FGFR3: variants seen among roughly 807,000 people sequenced by gnomAD.
FGFR3 encodes the protein fibroblast growth factor receptor 3, also known as FGFR-3.
Under a neutral mutation model 82.9 loss-of-function variants are expected in FGFR3, and 25 were observed. That is an observed-to-expected ratio of 0.30 (90% confidence interval 0.22 to 0.42). The LOEUF (loss-of-function observed/expected upper bound fraction) is 0.42, where lower values mean the gene tolerates loss of function less well. FGFR3 is among the 10% of genes least tolerant of loss of function. The probability of loss-of-function intolerance (pLI) is 1.00; values close to 1 mark genes in which losing one functional copy is unlikely to be tolerated. For synonymous variants in FGFR3, 620 were observed against 516.0 expected, an observed-to-expected ratio of 1.20 and a Z score of -2.73; for missense variants, 1,026 against 1,161.0, an observed-to-expected ratio of 0.88 and a Z score of 1.69.
chr4:1,805,055 T>C lies in FGFR3; in HGVS notation c.1412+86T>C, dbSNP rs918177823. The C allele has an allele frequency of 2.0e-6, 3 of 1,470,158 alleles. No individual in the cohort carries two copies. In the African/African-American group the frequency reaches 4.2e-5, roughly 21 times the overall value. 91.1% of individuals were successfully genotyped at this position (1,470,158 alleles called of 1,614,324 possible). A position where few individuals can be genotyped will look rare whatever the true frequency, so the allele number is the denominator to read the frequency against. On this transcript the variant is annotated intron_variant, in intron 10 of 17. Transcript: ENST00000440486. ...CACCAGTCAGAGGCCCGGCTGGGTT[T>C]AGGGGCCGTCAGGGATGTGGCGGAT...
chr4:1,805,482 G>C lies in FGFR3; in HGVS notation c.1534+6G>C, dbSNP rs1213940166. 24 of 1,612,050 alleles carry C rather than the reference G, an allele frequency of 1.5e-5. No homozygotes were observed. The highest frequency in any genetic ancestry group is 1.9e-5 in the Non-Finnish European group (23 of 1,179,500). ...AGCCGTGAAGATGCTGAAAGGTGAG[G>C]AGGGGGCGGCCAGGGGTGCAGAGCA... On this transcript the variant is annotated splice_donor_region_variant and intron_variant, in intron 11 of 17. Transcript: ENST00000440486.
Position 1,807,803 on chromosome 4 carries a change from G to C in FGFR3, c.*541G>C. On this transcript the variant is annotated 3_prime_UTR_variant, in exon 18 of 18. Coordinates refer to ENST00000440486, the MANE Select transcript of FGFR3 (RefSeq NM_000142.5). ...CTGCCCCTCAGAGACTGAAATTACGGGTACCTGAAGATGGGAGCCTTTACC... is the reference window on the plus strand; with the variant it reads ...CTGCCCCTCAGAGACTGAAATTACGCGTACCTGAAGATGGGAGCCTTTACC... 4.0e-6 allele frequency: 2 copies of C among 502,030 alleles called. No homozygotes were observed. Among genetic ancestry groups the C allele is most frequent in the South Asian group, 3.5e-5 (2 of 57,762 alleles). The allele number at this position is 502,030 out of a possible 1,614,324, so 31.1% of individuals were successfully genotyped here.
At chr4:1,799,629 G>A in intron 3 of FGFR3, 106 bp downstream of exon 3, 2 of 1,553,426 alleles carry the variant, frequency 1.3e-6, no homozygotes, top group Non-Finnish European at 1.7e-6. Flanking sequence ...CATTGGTGGA[G>A]AGGAGGGCAC....
At chr4:1,803,002 C>G (rs1336565243) in intron 7 of FGFR3, 1 of 1,600,986 alleles carries the variant, frequency 6.2e-7, no homozygotes, top group African/African-American at 1.3e-5. Flanking sequence ...CTCTGTCGAG[C>G]CACCAATTTC....
At chr4:1,796,704 G>GTTCCCCAGGCCAGAGTTTGGCC (rs1720556210) in intron 2 of FGFR3, among the ~76,000 whole-genome samples, 1 of 152,166 alleles carries the variant, frequency 6.6e-6, no homozygotes, top group African/African-American at 2.4e-5. Context: ...CTGGAGAAAG[G>GTTCCCCAGGCCAGAGTTTGGCC]TTCCCCAGGC....
At chr4:1,802,993 TCTG>T (rs1168626399) in intron 7 of FGFR3, 1 of 1,599,308 alleles carries the variant, frequency 6.3e-7, no homozygotes, top group African/African-American at 1.3e-5. Context: ...GGCGAGTACC[TCTG>T]TCGAGCCACC....
chr4:1,795,421 G>A (rs1490562785), intron 2 of FGFR3, among the ~76,000 whole-genome samples: 1 of 117,238 alleles, frequency 8.5e-6, no homozygotes, highest in East Asian at 2.7e-4. Context: ...GGAACGCCCC[G>A]CCCACCCCTC....
intron 8 of FGFR3, 137 bp from the exon 9 acceptor site, chr4:1,804,193 C>T (rs1254046233): frequency 3.5e-5 from 35 of 1,000,294 alleles, no homozygotes; most frequent in Admixed American, 3.4e-4. Context: ...ACTGCGAGAC[C>T]CTCCAGACAA....
intron 2 of FGFR3, among the ~76,000 whole-genome samples, chr4:1,796,462 C>T (rs1307693888): frequency 6.6e-6 from 1 of 152,150 alleles, no homozygotes; most frequent in African/African-American, 2.4e-5. Flanking sequence ...CAGAGAGCTG[C>T]AGAGAACTTC....
chr4:1,804,264 G>C, intron 8 of FGFR3, 66 bp from the exon 9 acceptor site: 6 of 1,524,232 alleles, frequency 3.9e-6, no homozygotes, highest in Non-Finnish European at 5.3e-6. Flanking sequence ...CTCTGGGCCA[G>C]GGGCATCCAT....
chr4:1,807,621 C>T lies in FGFR3; in HGVS notation c.*359C>T, dbSNP rs370938444. 2.6e-4 allele frequency: 169 copies of T among 656,228 alleles called. No individual in the cohort carries two copies. Among genetic ancestry groups the T allele is most frequent in the Admixed American group, 9.0e-4 (50 of 55,512 alleles). The allele number at this position is 656,228 out of a possible 1,614,324, so 40.7% of individuals were successfully genotyped here. A position where few individuals can be genotyped will look rare whatever the true frequency, so the allele number is the denominator to read the frequency against. On this transcript the variant is annotated 3_prime_UTR_variant, in exon 18 of 18. Transcript: ENST00000440486. The stretch of plus-strand genomic sequence containing the variant: ...CAGGGAGCTGGGCCCGACATGGCTC[C>T]GGCCTCTGCCTTTGCACCACGGGAC...
At chr4:1,805,119 A>G (rs1225239249) in intron 10 of FGFR3, 150 bp downstream of exon 10, 1 of 1,321,698 alleles carries the variant, frequency 7.6e-7, no homozygotes, top group Non-Finnish European at 1.0e-6. Context: ...TGCTCCTGGG[A>G]CGGGTGTATG....
Position 1,807,736 on chromosome 4 carries a change from G to A in FGFR3, c.*474G>A, listed in dbSNP as rs1458443436. On this transcript the variant is annotated 3_prime_UTR_variant, in exon 18 of 18. Transcript: ENST00000440486. The stretch of plus-strand genomic sequence containing the variant: ...CCAGCACCTTGTGCCTGGGGTGTTA[G>A]TGGCACCGCCTCCCCACCTCCAGGC... 1.7e-6 allele frequency: 1 copy of A among 596,570 alleles called. No individual in the cohort carries two copies. The highest frequency in any genetic ancestry group is 3.2e-6 in the Non-Finnish European group (1 of 307,912). The allele number at this position is 596,570 out of a possible 1,614,324, so 37.0% of individuals were successfully genotyped here.
intron 8 of FGFR3, 102 bp from the exon 9 acceptor site, chr4:1,804,228 C>T (rs1367593204): frequency 1.5e-6 from 2 of 1,358,282 alleles, no homozygotes; most frequent in East Asian, 2.3e-5. Flanking sequence ...TTCTGAGCCC[C>T]CTTCCGCTCC....
In FGFR3 at chr4:1,799,245, T is replaced by TC. The variant is rs1212914902; in HGVS notation, c.110-5dup. 1 of 1,612,182 alleles carries TC rather than the reference T, an allele frequency of 6.2e-7. No homozygotes were observed. The highest frequency in any genetic ancestry group is 8.5e-7 in the Non-Finnish European group (1 of 1,179,936). ...GTGCCTGCCTCATGGTTGCCCATCT[T>TC]CCCCACAGAAGTCCCGGGCCCAGAG... On this transcript the variant is annotated splice_polypyrimidine_tract_variant and intron_variant, in intron 2 of 17. Coordinates refer to ENST00000440486, the MANE Select transcript of FGFR3 (RefSeq NM_000142.5).
intron 2 of FGFR3, among the ~76,000 whole-genome samples, chr4:1,796,036 G>C (rs1157677590): frequency 1.3e-5 from 2 of 152,178 alleles, no homozygotes; most frequent in African/African-American, 4.8e-5. Flanking sequence ...TTACAGCTGA[G>C]CTTGAGTGGG....
At position 1,807,451 on chromosome 4, in the gene FGFR3, C is replaced by G; in HGVS notation, c.*189C>G. 1.1e-6 allele frequency: 1 copy of G among 909,980 alleles called. No homozygotes were observed. Among genetic ancestry groups the G allele is most frequent in the Non-Finnish European group, 1.7e-6 (1 of 575,958 alleles). The allele number at this position is 909,980 out of a possible 1,614,324, so 56.4% of individuals were successfully genotyped here. A position where few individuals can be genotyped will look rare whatever the true frequency, so the allele number is the denominator to read the frequency against. ...CGCGTGTGCCTGTGTGCGTGCGCAT[C>G]TTGCCTCCAGGTGCAGAGGTACCCT... On this transcript the variant is annotated 3_prime_UTR_variant, in exon 18 of 18. Transcript: ENST00000440486.
At position 1,801,357 on chromosome 4, in the gene FGFR3, C is replaced by T. The variant is rs762297923; in HGVS notation, c.446-10C>T. ...CGGGTCATGGCCTTCACACGCACCT[C>T]GGCCCGCAGGGGCCCCTTACTGGAC... is the stretch of plus-strand genomic sequence containing the variant. On this transcript the variant is annotated splice_polypyrimidine_tract_variant and intron_variant, in intron 4 of 17. Coordinates refer to ENST00000440486, the MANE Select transcript of FGFR3 (RefSeq NM_000142.5). The T allele has an allele frequency of 3.7e-5, 57 of 1,550,302 alleles. No homozygotes were observed. The highest frequency in any genetic ancestry group is 4.1e-5 in the Non-Finnish European group (47 of 1,149,694).
intron 8 of FGFR3, 141 bp downstream of exon 8, chr4:1,803,977 CA>C: frequency 9.4e-7 from 1 of 1,061,632 alleles, no homozygotes; most frequent in Non-Finnish European, 1.4e-6. Flanking sequence ...GCCCTGTGCC[CA>C]GTGTGGGGAC....
Sources: gnomAD v4.1 joint callset for allele counts (sites outside exome capture counted in the v4.1 genomes callset) on GRCh38, gnomAD v4.1.1 for gene constraint, MANE v1.5 for transcripts, NCBI Gene and HGNC (gene_info 2026-07-23, HGNC 2026-07-21) for gene names.